Variants in WDHD1 observed in about 807,000 individuals in gnomAD.
The protein encoded by WDHD1 is WD repeat and HMG-box DNA binding protein 1, also known as WD repeat and HMG-box DNA-binding protein 1.
WDHD1 carries 111 observed loss-of-function variants against 135.4 expected under a neutral mutation model. The ratio of observed to expected loss-of-function variants is 0.82; its 90% CI spans 0.70 to 0.96. WDHD1 has a LOEUF of 0.96. Ranked by LOEUF, WDHD1 falls within the 40% of genes least tolerant of loss-of-function variation. WDHD1 has a pLI of 0.00. For missense variants in WDHD1, 1,351 were observed against 1,336.3 expected (o/e 1.01, Z -0.17); for synonymous variants, 434 against 439.0 (o/e 0.99, Z 0.14).
At position 55,013,723 on chromosome 14, in the gene WDHD1, C is replaced by G. The variant is rs1322977565; in HGVS notation, c.78-127G>C. The stretch of plus-strand genomic sequence containing the variant: ...GAGTTCAAGACTAGCCTGGATAATA[C>G]AGAGAGACCTAGTCTCTACAAAAAA... On this transcript the variant is annotated intron_variant, in intron 2 of 25. Transcript: ENST00000360586. The G allele has an allele frequency of 8.6e-6, 6 of 701,206 alleles. No individual in the cohort carries two copies. The Admixed American group carries it at 9.3e-5, about 11-fold the overall frequency. 43.4% of individuals were successfully genotyped at this position (701,206 alleles called of 1,614,324 possible). A position where few individuals can be genotyped will look rare whatever the true frequency, so the allele number is the denominator to read the frequency against.
chr14:54,955,659 A>G lies in WDHD1; in HGVS notation c.2952T>C (p.Ser984=). The G allele has an allele frequency of 1.9e-6, 3 of 1,585,806 alleles. No homozygotes were observed. Among genetic ancestry groups the G allele is most frequent in the Non-Finnish European group, 2.6e-6 (3 of 1,169,432 alleles). Residue 984 remains serine, a synonymous_variant, in exon 24 of 26, where the codon TCT becomes TCC. Transcript: ENST00000360586. ...SAASYFQKRN[S]QTNKTEEVKE... ...TCACTTCCTCAGTTTTATTAGTTTG[A>G]GAATTTCTTTTCTGGAAATAGGATG... is the stretch of plus-strand genomic sequence containing the variant.
At chr14:54,966,751 T>G (rs1042902642) in intron 17 of WDHD1, 145 bp from the exon 18 acceptor site, 6 of 1,002,590 alleles carry the variant, frequency 6.0e-6, no homozygotes, top group Non-Finnish European at 8.3e-6. Context: ...ATTTAAATTC[T>G]AGTGTGATAC....
At position 54,991,238 on chromosome 14, in the gene WDHD1, G is replaced by A. The variant is rs756791562; in HGVS notation, c.1316C>T (p.Pro439Leu). The change falls in exon 12 of 26, where the codon CCG (proline) becomes CTG (leucine). Residue 439 changes from proline (P) to leucine (L), a missense_variant. Around this residue, in one of 2 missense-constraint regions of WDHD1, gnomAD observed 1,330 missense variants for 1,296.1 expected, o/e 1.03. Coordinates refer to ENST00000360586, the MANE Select transcript of WDHD1 (RefSeq NM_007086.4). ...CATGAATCTGTGAGTGAGATGCAAC[G>A]GTGTAGAACCTGACTGAAATGGCTT... ...RQKPFQSGST[P>L]LHLTHRFMVW... 24 of 1,604,338 alleles carry A rather than the reference G, an allele frequency of 1.5e-5. No individual in the cohort carries two copies. The highest frequency in any genetic ancestry group is 1.5e-4 in the African/African-American group (11 of 74,652).
At chr14:54,947,322 G>C (rs958924078) in intron 24 of WDHD1, among the ~76,000 whole-genome samples, 1 of 151,876 alleles carries the variant, frequency 6.6e-6, no homozygotes, top group Non-Finnish European at 1.5e-5. Context: ...TGGGCAACAA[G>C]AGCAAAAAGA....
chr14:55,000,826 A>G, intron 9 of WDHD1, 60 bp downstream of exon 9: 1 of 1,291,692 alleles, frequency 7.7e-7, no homozygotes, highest in Middle Eastern at 2.0e-4. Context: ...TTCAAAATAA[A>G]ACAAATACAA....
intron 16 of WDHD1, among the ~76,000 whole-genome samples, chr14:54,969,617 C>T (rs2041399991): frequency 6.6e-6 from 1 of 152,144 alleles, no homozygotes; most frequent in Non-Finnish European, 1.5e-5. Context: ...AGAAAAATCA[C>T]AGCTGAATTC....
intron 11 of WDHD1, among the ~76,000 whole-genome samples, chr14:54,992,621 G>T (rs573466013): frequency 1.1e-3 from 166 of 152,284 alleles, no homozygotes; most frequent in Non-Finnish European, 2.0e-3. Flanking sequence ...AACACTAGCA[G>T]ATATAATTTA....
chr14:54,950,628 A>G (rs2041030622), intron 24 of WDHD1, among the ~76,000 whole-genome samples: 1 of 152,176 alleles, frequency 6.6e-6, no homozygotes, highest in Non-Finnish European at 1.5e-5. Flanking sequence ...AATTGAACTC[A>G]GCTCTGCACC....
chr14:54,944,287 T>A (rs755166729), intron 25 of WDHD1, 45 bp downstream of exon 25: 5 of 1,594,686 alleles, frequency 3.1e-6, no homozygotes, highest in Non-Finnish European at 3.4e-6. Context: ...ATTTTTTAAA[T>A]CTGGGAATTC....
Position 55,000,489 on chromosome 14 carries a change from AT to A in WDHD1, c.942+13del, listed in dbSNP as rs1323865064. 1 of 1,589,026 alleles carries A rather than the reference AT, an allele frequency of 6.3e-7. No individual in the cohort carries two copies. Among genetic ancestry groups the A allele is most frequent in the South Asian group, 1.2e-5 (1 of 86,390 alleles). On this transcript the variant is annotated intron_variant, in intron 10 of 25. Transcript: ENST00000360586. ...AACATTTTGAAGAAACTGTTGTACC[AT>A]ACTCCCTTTTACCTTACTGCTTGAT...
Position 55,009,580 on chromosome 14 carries a change from C to T in WDHD1, c.341+729G>A, listed in dbSNP as rs144736483. ...CCAAGTAGCCGGGATTATAGGCACCCGCTACTATGCCCAGCTCATTTTTGT... is the reference window on the plus strand; with the variant it reads ...CCAAGTAGCCGGGATTATAGGCACCTGCTACTATGCCCAGCTCATTTTTGT... On this transcript the variant is annotated intron_variant, in intron 4 of 25. Coordinates refer to ENST00000360586, the MANE Select transcript of WDHD1 (RefSeq NM_007086.4). Among the ~76,000 whole-genome samples, 725 of 152,090 alleles carry T rather than the reference C, an allele frequency of 4.8e-3. 6 individuals carry two copies. Among genetic ancestry groups the T allele is most frequent in the African/African-American group, 0.016 (659 of 41,498 alleles).
In WDHD1 at chr14:55,000,916, C is replaced by T; in HGVS notation, c.770G>A (p.Trp257Ter). The part of the protein sequence containing the change: ...AGSINGLIIV[W>*]NVETKDCMER... The stretch of plus-strand genomic sequence containing the variant: ...CATGCAGTCTTTGGTTTCCACATTC[C>T]AAACTATGATTAGACCATTAATACT... Residue 257 changes from tryptophan to a stop codon, truncating the protein, a stop_gained, in exon 9 of 26, where the codon TGG (tryptophan) becomes TAG (stop). Transcript: ENST00000360586. LOFTEE classifies it high-confidence loss of function. The T allele has an allele frequency of 1.3e-6, 2 of 1,585,542 alleles. No individual in the cohort carries two copies. Among genetic ancestry groups the T allele is most frequent in the Non-Finnish European group, 1.7e-6 (2 of 1,167,394 alleles).
rs770747803 is a variant in WDHD1 at position 54,987,225 on chromosome 14, T to A, written c.1689A>T (p.Gln563His). 1 of 1,614,146 alleles carries A rather than the reference T, an allele frequency of 6.2e-7. No homozygotes were observed. Among genetic ancestry groups the A allele is most frequent in the East Asian group, 2.2e-5 (1 of 44,878 alleles). Residue 563 changes from glutamine to histidine, a missense_variant, in exon 14 of 26, where the codon CAA becomes CAT. Transcript: ENST00000360586. The stretch of plus-strand genomic sequence containing the variant: ...GTCCAGCAAGGCTGAATACCTCTTT[T>A]TGAACCCCTCCAATAGTAAACAATC... ...LLRLFTIGGVQKEVFSLAGPV... is the reference protein window; with the variant it reads ...LLRLFTIGGVHKEVFSLAGPV...
intron 17 of WDHD1, among the ~76,000 whole-genome samples, chr14:54,966,943 C>T (rs1377370733): frequency 6.6e-6 from 1 of 152,194 alleles, no homozygotes; most frequent in Admixed American, 6.5e-5. Flanking sequence ...TTTGATGACA[C>T]AAGGCTAGGA....
At chr14:54,986,650 T>G (rs2041699458) in intron 14 of WDHD1, among the ~76,000 whole-genome samples, 1 of 152,168 alleles carries the variant, frequency 6.6e-6, no homozygotes, top group African/African-American at 2.4e-5. Context: ...AAGTATGATG[T>G]CACAGAAGTC....
chr14:55,023,298 C>T (rs1245160402), intron 2 of WDHD1, among the ~76,000 whole-genome samples: 1 of 152,216 alleles, frequency 6.6e-6, no homozygotes, highest in Non-Finnish European at 1.5e-5. Flanking sequence ...CCTATACCCA[C>T]ATAAAAGCTG....
At chr14:54,992,558 T>C (rs1378519164) in intron 11 of WDHD1, among the ~76,000 whole-genome samples, 1 of 152,152 alleles carries the variant, frequency 6.6e-6, no homozygotes, top group African/African-American at 2.4e-5. Context: ...CTATTTGCCA[T>C]TATGAGCTTC....
At chr14:54,976,498 A>C (rs2041526775) in intron 16 of WDHD1, among the ~76,000 whole-genome samples, 2 of 152,180 alleles carry the variant, frequency 1.3e-5, no homozygotes, top group African/African-American at 4.8e-5. Flanking sequence ...AGCCTGGCCA[A>C]AAATGAATTT....
At chr14:54,965,241 T>C (rs2041322086) in intron 18 of WDHD1, among the ~76,000 whole-genome samples, 1 of 152,214 alleles carries the variant, frequency 6.6e-6, no homozygotes, top group Non-Finnish European at 1.5e-5. Flanking sequence ...TAAAGTCTAG[T>C]GTAAGACAAA....
Sources: gnomAD v4.1 joint callset for allele counts (sites outside exome capture counted in the v4.1 genomes callset) on GRCh38, gnomAD v4.1.1 for gene constraint, gnomAD v4.1.1 regional missense constraint, MANE v1.5 for transcripts, NCBI Gene and HGNC (gene_info 2026-07-23, HGNC 2026-07-21) for gene names.